The following SERGEF variants were observed in gnomAD, a reference collection of about 807,000 sequenced individuals.
SERGEF encodes secretion regulating guanine nucleotide exchange factor, also known as secretion-regulating guanine nucleotide exchange factor.
In SERGEF, 51 loss-of-function variants were observed where a neutral mutation model predicts 50.0. That is an observed-to-expected ratio of 1.02 (90% CI 0.81 to 1.29). The LOEUF is 1.29. Ranked by LOEUF, SERGEF falls within the 50% of genes most tolerant of loss-of-function variation. SERGEF has a pLI of 0.00. For synonymous variants in SERGEF, 205 were observed against 212.4 expected (o/e 0.97, Z 0.30); for missense variants, 521 against 557.0 (o/e 0.94, Z 0.65).
At chr11:17,805,764 G>C (rs1427997865) in intron 10 of SERGEF, among the ~76,000 whole-genome samples, 1 of 152,162 alleles carries the variant, frequency 6.6e-6, no homozygotes, top group African/African-American at 2.4e-5. Flanking sequence ...GCTCTCCTGT[G>C]TGTGCTTCTG....
At chr11:17,995,962 T>A in intron 5 of SERGEF, 53 bp from the exon 6 acceptor site, 1 of 1,294,688 alleles carries the variant, frequency 7.7e-7, no homozygotes, top group Admixed American at 1.8e-5. Flanking sequence ...AGGATAAGAC[T>A]AGATTGCTCT....
intron 9 of SERGEF, among the ~76,000 whole-genome samples, chr11:17,942,289 A>G (rs778620881): frequency 2.0e-5 from 3 of 152,070 alleles, no homozygotes; most frequent in Non-Finnish European, 4.4e-5. Context: ...TTCTCCCAGC[A>G]GTGTTTTGTA....
At chr11:17,879,502 G>C (rs1851301104) in intron 9 of SERGEF, among the ~76,000 whole-genome samples, 1 of 152,184 alleles carries the variant, frequency 6.6e-6, no homozygotes, top group South Asian at 2.1e-4. Context: ...GGGCAAGTCT[G>C]TGACAAAACT....
intron 6 of SERGEF, among the ~76,000 whole-genome samples, chr11:17,993,392 T>C (rs1285910766): frequency 6.6e-6 from 1 of 152,242 alleles, no homozygotes; most frequent in Non-Finnish European, 1.5e-5. Context: ...CATGTGTGTG[T>C]GTCTGTGTGT....
chr11:17,836,174 A>G (rs1282818498), intron 10 of SERGEF, among the ~76,000 whole-genome samples: 1 of 152,254 alleles, frequency 6.6e-6, no homozygotes, highest in Non-Finnish European at 1.5e-5. Flanking sequence ...AATCACAGCC[A>G]CCAGTGAGGT....
intron 1 of SERGEF, chr11:18,010,443 T>A (rs1854172414): frequency 6.3e-6 from 1 of 157,882 alleles, no homozygotes; most frequent in South Asian, 1.9e-4. Flanking sequence ...TCAGAGAGGT[T>A]AAGTAACTTT....
In SERGEF at chr11:18,007,989, TC is replaced by T; in HGVS notation, c.147del (p.Ser50ValfsTer26). 1 of 1,614,090 alleles carries T rather than the reference TC, an allele frequency of 6.2e-7. No individual in the cohort carries two copies. ...CCTCCTCCTGTGATCCTCCTGACAC[TC>T]CTGGGTTTACAGAAGTCATTCAGTT... ...PQQLNDFCKP[R>X]SVRRITGGGG... On this transcript the variant is annotated frameshift_variant, in exon 2 of 11. Coordinates refer to ENST00000265965, the MANE Select transcript of SERGEF (RefSeq NM_012139.4). LOFTEE classifies it high-confidence loss of function.
At chr11:17,800,966 C>A (rs569779920) in intron 10 of SERGEF, among the ~76,000 whole-genome samples, 6 of 151,894 alleles carry the variant, frequency 4.0e-5, no homozygotes, top group Non-Finnish European at 7.4e-5. Context: ...GAGGCCGAGG[C>A]GGGTGGATCA....
At chr11:17,929,266 C>G (rs1186270174) in intron 9 of SERGEF, among the ~76,000 whole-genome samples, 1 of 152,154 alleles carries the variant, frequency 6.6e-6, no homozygotes, top group Non-Finnish European at 1.5e-5. Flanking sequence ...CATTTATTTT[C>G]AATTGCCAGA....
intron 10 of SERGEF, among the ~76,000 whole-genome samples, chr11:17,857,419 T>A (rs1590159789): frequency 1.3e-5 from 2 of 152,154 alleles, no homozygotes; most frequent in East Asian, 3.8e-4. Context: ...TGAAAAGCAG[T>A]CCCTCCCAGA....
At chr11:17,934,097 A>AT (rs139205092) in intron 9 of SERGEF, among the ~76,000 whole-genome samples, 2 of 151,780 alleles carry the variant, frequency 1.3e-5, no homozygotes, top group Non-Finnish European at 2.9e-5. Flanking sequence ...AAAAACTAGA[A>AT]TTTTTTTTTA....
At chr11:17,896,828 A>AGG in intron 9 of SERGEF, among the ~76,000 whole-genome samples, 1 of 68,540 alleles carries the variant, frequency 1.5e-5, no homozygotes, top group East Asian at 4.1e-4. Context: ...GGGAAGGGTA[A>AGG]CGGAAGGGTA....
chr11:17,849,260 C>T (rs1266561816), intron 10 of SERGEF, among the ~76,000 whole-genome samples: 1 of 152,182 alleles, frequency 6.6e-6, no homozygotes, highest in Non-Finnish European at 1.5e-5. Flanking sequence ...ACCGTTGATC[C>T]TACATGAAGT....
chr11:17,883,813 C>A (rs1322692513), intron 9 of SERGEF, among the ~76,000 whole-genome samples: 1 of 152,200 alleles, frequency 6.6e-6, no homozygotes, highest in Admixed American at 6.5e-5. Context: ...GATCAAGGAG[C>A]TGTTTCCAGG....
chr11:17,847,769 G>A (rs575350290), intron 10 of SERGEF, among the ~76,000 whole-genome samples: 2 of 152,282 alleles, frequency 1.3e-5, no homozygotes, highest in South Asian at 2.1e-4. Context: ...AGACATGGCT[G>A]AGCATCCCAA....
chr11:17,998,414 C>A (rs1027897365), intron 5 of SERGEF, among the ~76,000 whole-genome samples: 10 of 128,134 alleles, frequency 7.8e-5, no homozygotes, highest in Non-Finnish European at 1.3e-4. Flanking sequence ...GGGACCCTAT[C>A]TTAAAAATAC....
Position 18,008,035 on chromosome 11 carries a change from T to C in SERGEF, c.102A>G (p.Glu34=). The part of the protein sequence containing the change: ...SYGQLGLGHK[E]DVLLPQQLND... ...TCAGTTGCTGGGGCAACAGCACATCTTCCTTATGGCCGAGGCCAAGTTGCC... is the reference window on the plus strand; with the variant it reads ...TCAGTTGCTGGGGCAACAGCACATCCTCCTTATGGCCGAGGCCAAGTTGCC... Residue 34 remains glutamate (E), a synonymous_variant, in exon 2 of 11, where the codon GAA becomes GAG. Transcript: ENST00000265965. 6.2e-7 allele frequency: 1 copy of C among 1,614,138 alleles called. No individual in the cohort carries two copies. Among genetic ancestry groups the C allele is most frequent in the Non-Finnish European group, 8.5e-7 (1 of 1,180,004 alleles).
rs561945794 is a variant in SERGEF, at chr11:17,925,986, A to G, written c.1011+33484T>C. Among the ~76,000 whole-genome samples, 11 of 152,302 alleles carry G rather than the reference A, an allele frequency of 7.2e-5. No individual in the cohort carries two copies. In the South Asian group the frequency reaches 2.3e-3, roughly 32 times the overall value. On this transcript the variant is annotated intron_variant, in intron 9 of 10. Coordinates refer to ENST00000265965, the MANE Select transcript of SERGEF (RefSeq NM_012139.4). ...GGGGAAACAATATATTTTGAAAACTATAAAGCACTTTGCTAATACCTACTC... is the reference window on the plus strand; with the variant it reads ...GGGGAAACAATATATTTTGAAAACTGTAAAGCACTTTGCTAATACCTACTC...
At chr11:17,911,641 C>T (rs758667901) in intron 9 of SERGEF, among the ~76,000 whole-genome samples, 7 of 152,000 alleles carry the variant, frequency 4.6e-5, no homozygotes, top group Non-Finnish European at 1.0e-4. Flanking sequence ...GTGCGCACCA[C>T]CACACCCAGC....
Sources: allele counts gnomAD v4.1 joint callset (sites outside exome capture counted in the v4.1 genomes callset), GRCh38; gene constraint gnomAD v4.1.1; transcripts MANE v1.5; gene names NCBI Gene and HGNC (gene_info 2026-07-23, HGNC 2026-07-21).